The following PAK5 variants were observed in gnomAD, a reference collection of about 807,000 sequenced individuals.
PAK5 encodes the protein serine/threonine-protein kinase PAK 5.
Under a neutral mutation model 65.9 loss-of-function variants are expected in PAK5, and 16 were observed. The ratio of observed to expected loss-of-function variants is 0.24; its 90% CI spans 0.16 to 0.37. The LOEUF (loss-of-function observed/expected upper bound fraction) is 0.37. Among genes scored for constraint, PAK5 ranks in the 10% least tolerant of loss-of-function variants. The pLI is 1.00. For synonymous variants in PAK5, 371 were observed against 354.9 expected (o/e 1.05, Z -0.51); for missense variants, 785 against 903.9 (o/e 0.87, Z 1.69).
intron 1 of PAK5, among the ~76,000 whole-genome samples, chr20:9,750,095 A>G (rs1345980186): frequency 6.6e-6 from 1 of 152,084 alleles, no homozygotes; most frequent in African/African-American, 2.4e-5. Flanking sequence ...AGCCACATAG[A>G]TCTTCAGTTA....
rs181767430 is a variant in PAK5, at chr20:9,729,611, C to G, written c.-161-18176G>C. ...AGAATGAGACGGCAGGCTGAATGAGCCCTATTTGATCTTCCCTGCTTCTAC... is the reference window on the plus strand; with the variant it reads ...AGAATGAGACGGCAGGCTGAATGAGGCCTATTTGATCTTCCCTGCTTCTAC... On this transcript the variant is annotated intron_variant, in intron 1 of 9. Coordinates refer to ENST00000353224, the MANE Select transcript of PAK5 (RefSeq NM_177990.4). Among the ~76,000 whole-genome samples, 72 of 152,184 alleles carry G rather than the reference C, an allele frequency of 4.7e-4. 1 individual carries two copies. Among genetic ancestry groups the G allele is most frequent in the Middle Eastern group, 3.4e-3 (1 of 294 alleles).
At chr20:9,676,117 G>A (rs1194361142) in intron 2 of PAK5, among the ~76,000 whole-genome samples, 1 of 152,088 alleles carries the variant, frequency 6.6e-6, no homozygotes, top group South Asian at 2.1e-4. Flanking sequence ...ATGGATGGCA[G>A]CAAGTGAAAA....
At chr20:9,554,147 C>T (rs1474364248) in intron 7 of PAK5, among the ~76,000 whole-genome samples, 2 of 152,152 alleles carry the variant, frequency 1.3e-5, no homozygotes, top group Admixed American at 1.3e-4. Flanking sequence ...TCCAAAAATG[C>T]CAACAATAAT....
chr20:9,567,646 GCAA>G, intron 4 of PAK5, among the ~76,000 whole-genome samples: 1 of 152,170 alleles, frequency 6.6e-6, no homozygotes, highest in Non-Finnish European at 1.5e-5. Flanking sequence ...TAATATTTGA[GCAA>G]CTATGATGTG....
chr20:9,679,553 T>C (rs1452173115), intron 2 of PAK5, among the ~76,000 whole-genome samples: 2 of 152,166 alleles, frequency 1.3e-5, no homozygotes, highest in African/African-American at 4.8e-5. Context: ...GCATAGTAAT[T>C]CTCATATTGC....
chr20:9,774,932 G>T (rs1003885857), intron 1 of PAK5, among the ~76,000 whole-genome samples: 1 of 152,144 alleles, frequency 6.6e-6, no homozygotes, highest in Non-Finnish European at 1.5e-5. Context: ...CTCCAGCCTG[G>T]GCGGCAGAGC....
chr20:9,712,712 C>T (rs1376950439), intron 1 of PAK5, among the ~76,000 whole-genome samples: 2 of 152,096 alleles, frequency 1.3e-5, no homozygotes, highest in Non-Finnish European at 2.9e-5. Context: ...TGAAATAAAT[C>T]CACGCACTTA....
chr20:9,624,373 T>A (rs189603916), intron 3 of PAK5, among the ~76,000 whole-genome samples: 299 of 152,204 alleles, frequency 2.0e-3, no homozygotes, highest in African/African-American at 6.5e-3. Context: ...TATTCAATAA[T>A]GCTGAACAAA....
At chr20:9,574,054 A>C (rs1172715446) in intron 4 of PAK5, among the ~76,000 whole-genome samples, 1 of 152,212 alleles carries the variant, frequency 6.6e-6, no homozygotes, top group East Asian at 1.9e-4. Flanking sequence ...TCAAAGGAAA[A>C]TTTAACAGGA....
intron 1 of PAK5, among the ~76,000 whole-genome samples, chr20:9,748,437 A>G (rs1474237912): frequency 6.6e-6 from 1 of 152,130 alleles, no homozygotes; most frequent in Non-Finnish European, 1.5e-5. Flanking sequence ...ACTTCAAACT[A>G]TACTACAAGG....
At chr20:9,802,910 G>A (rs4362631) in intron 1 of PAK5, among the ~76,000 whole-genome samples, 6 of 46,378 alleles carry the variant, frequency 1.3e-4, no homozygotes, top group East Asian at 8.7e-4. Flanking sequence ...ATATGTATGT[G>A]TATATATATA....
intron 1 of PAK5, among the ~76,000 whole-genome samples, chr20:9,740,690 C>G (rs1243987813): frequency 6.6e-6 from 1 of 152,174 alleles, no homozygotes; most frequent in African/African-American, 2.4e-5. Context: ...TTGCCCCAGT[C>G]TTTTGAGCGG....
At chr20:9,793,989 A>G (rs911907510) in intron 1 of PAK5, among the ~76,000 whole-genome samples, 7 of 152,158 alleles carry the variant, frequency 4.6e-5, no homozygotes, top group African/African-American at 9.7e-5. Flanking sequence ...ATGGAATACT[A>G]TGCAGCCATA....
chr20:9,733,509 A>G (rs1301722817), intron 1 of PAK5, among the ~76,000 whole-genome samples: 1 of 151,664 alleles, frequency 6.6e-6, no homozygotes, highest in Non-Finnish European at 1.5e-5. Context: ...CAGTGGCACA[A>G]TCTTGGTTCA....
chr20:9,645,788 G>A (rs536207786), intron 2 of PAK5, among the ~76,000 whole-genome samples: 1 of 152,012 alleles, frequency 6.6e-6, no homozygotes, highest in Non-Finnish European at 1.5e-5. Context: ...GGGTTTCACC[G>A]TGTTAGCCAG....
At chr20:9,654,147 T>C (rs903818648) in intron 2 of PAK5, among the ~76,000 whole-genome samples, 6 of 152,054 alleles carry the variant, frequency 3.9e-5, no homozygotes, top group Non-Finnish European at 7.4e-5. Flanking sequence ...CTAATTTTTA[T>C]ATTTTTAGTA....
At chr20:9,703,655 A>G (rs943215421) in intron 2 of PAK5, among the ~76,000 whole-genome samples, 2 of 152,040 alleles carry the variant, frequency 1.3e-5, no homozygotes, top group African/African-American at 2.4e-5. Context: ...ATGAGACCCA[A>G]TGTCTTGTTT....
chr20:9,655,591 G>A (rs954343310), intron 2 of PAK5, among the ~76,000 whole-genome samples: 5 of 152,082 alleles, frequency 3.3e-5, no homozygotes, highest in Admixed American at 6.5e-5. Flanking sequence ...TAACATTTAC[G>A]TTCTGGGGCT....
At chr20:9,818,555 A>G (rs991032859) in intron 1 of PAK5, 2 of 152,190 alleles carry the variant, frequency 1.3e-5, no homozygotes, top group Non-Finnish European at 2.9e-5. Flanking sequence ...ATCTGCAAAA[A>G]CCAAGAATTC....
Sources: gnomAD v4.1 joint callset for allele counts (sites outside exome capture counted in the v4.1 genomes callset) on GRCh38, gnomAD v4.1.1 for gene constraint, MANE v1.5 for transcripts, NCBI Gene and HGNC (gene_info 2026-07-23, HGNC 2026-07-21) for gene names.